The following PRR12 variants were observed in gnomAD, a reference collection of about 807,000 sequenced individuals.
PRR12 encodes proline rich 12.
PRR12 carries 12 observed loss-of-function variants against 138.0 expected under a neutral mutation model. The ratio of observed to expected loss-of-function variants is 0.09; its 90% CI spans 0.06 to 0.14. The LOEUF (loss-of-function observed/expected upper bound fraction) is 0.14. Among genes scored for constraint, PRR12 ranks in the 10% least tolerant of loss-of-function variants. The pLI is 1.00. For missense variants in PRR12, 2,692 were observed against 2,861.3 expected (o/e 0.94, Z 1.35); for synonymous variants, 1,567 against 1,291.7 (o/e 1.21, Z -4.57).
chr19:49,611,143 T>TGAAACCCCATTGCCAC (rs2080863964), intron 6 of PRR12, among the ~76,000 whole-genome samples: 1 of 152,006 alleles, frequency 6.6e-6, no homozygotes, highest in Non-Finnish European at 1.5e-5. Context: ...CGCCTGGCCA[T>TGAAACCCCATTGCCAC]GAAACCCCAT....
rs1193496296 is a variant in PRR12 at position 49,615,909 on chromosome 19, C to T, written c.5187C>T (p.Pro1729=). The change falls in exon 9 of 14, where the codon CCC becomes CCT. Residue 1729 remains proline (P), a synonymous_variant. Coordinates refer to ENST00000418929, the MANE Select transcript of PRR12 (RefSeq NM_020719.3). ...CGGCCATGCCTGAGCCCCCTGCCCC[C>T]GAGAAGCCCTCCCTCCTGCGGCCTG... ...PETAMPEPPA[P]EKPSLLRPVE... is the part of the protein sequence containing the mutation. 12 of 1,563,798 alleles carry T rather than the reference C, an allele frequency of 7.7e-6. No homozygotes were observed. The highest frequency in any genetic ancestry group is 2.4e-5 in the East Asian group (1 of 41,626).
chr19:49,598,390 C>G (rs1438810102), intron 4 of PRR12, among the ~76,000 whole-genome samples: 1 of 152,078 alleles, frequency 6.6e-6, no homozygotes, highest in Non-Finnish European at 1.5e-5. Flanking sequence ...TGTTTTGAGT[C>G]TTAAAGGACA....
In PRR12 at chr19:49,625,478, C is replaced by A; in HGVS notation, c.5982C>A (p.Gly1994=). Residue 1994 remains glycine (G), a synonymous_variant, in exon 14 of 14, where the codon GGC becomes GGA. Coordinates refer to ENST00000418929, the MANE Select transcript of PRR12 (RefSeq NM_020719.3). The surrounding 1 kb of genome is among the most constrained non-coding windows in gnomAD (Gnocchi z 5.5). ...RCRDQTLAIE[G]GAEDLGQEEV... ...CCCTGCAGACCCTGGCCATCGAGGG[C>A]GGCGCCGAGGACCTGGGCCAGGAGG... 6.2e-7 allele frequency: 1 copy of A among 1,606,734 alleles called. No homozygotes were observed.
rs906620618 is a variant in PRR12, at chr19:49,613,283, C to T, written c.4774-1250C>T. On this transcript the variant is annotated intron_variant, in intron 6 of 13. Transcript: ENST00000418929. The stretch of plus-strand genomic sequence containing the variant: ...CCAGGAGGCGCAGGTTGCAGTGAGC[C>T]GAGATTGCGCCCCTGCACTCTAGCC... Among the ~76,000 whole-genome samples, 4 of 145,498 alleles carry T rather than the reference C, an allele frequency of 2.7e-5. No individual in the cohort carries two copies. The South Asian group carries it at 6.6e-4, about 24-fold the overall frequency.
intron 11 of PRR12, among the ~76,000 whole-genome samples, chr19:49,624,508 G>A (rs75273270): frequency 2.1e-3 from 312 of 147,978 alleles, no homozygotes; most frequent in Middle Eastern, 0.017. Flanking sequence ...TGGTTAGGAT[G>A]GGGCTGAGAA....
At position 49,625,066 on chromosome 19, in the gene PRR12, C is replaced by T. The variant is rs1049785405; in HGVS notation, c.5869-39C>T. ...AAGGGAGGAGAGGGGCTGCCAAGTG[C>T]CGGGCTGGAGGGGCTGAGGCATCTC... On this transcript the variant is annotated intron_variant, in intron 12 of 13. Transcript: ENST00000418929. The surrounding 1 kb of genome is among the most constrained non-coding windows in gnomAD (Gnocchi z 5.5). 3 of 1,612,094 alleles carry T rather than the reference C, an allele frequency of 1.9e-6. No individual in the cohort carries two copies. The highest frequency in any genetic ancestry group is 8.5e-7 in the Non-Finnish European group (1 of 1,178,406).
Position 49,591,700 on chromosome 19 carries a change from G to A in PRR12, c.46G>A (p.Ala16Thr). The A allele has an allele frequency of 6.7e-7, 1 of 1,500,260 alleles. No individual in the cohort carries two copies. Among genetic ancestry groups the A allele is most frequent in the Admixed American group, 2.3e-5 (1 of 43,838 alleles). The allele number at this position is 1,500,260 out of a possible 1,614,324, so 92.9% of individuals were successfully genotyped here. The change falls in exon 1 of 14, where the codon GCC becomes ACC. Residue 16 changes from alanine to threonine, a missense_variant. Around this residue, in one of 11 missense-constraint regions of PRR12, gnomAD observed 211 missense variants for 266.3 expected, o/e 0.79. Coordinates refer to ENST00000418929, the MANE Select transcript of PRR12 (RefSeq NM_020719.3). ...CGCCGGCTTCGGGGACCCGCTCGGC[G>A]CCGGGGCGGGATGGAGTTACGAGAG... ...PSAGFGDPLG[A>T]GAGWSYERSA...
chr19:49,595,055 C>A lies in PRR12; in HGVS notation c.720C>A (p.His240Gln), dbSNP rs1207078925. ...GPPDPPPPPR[H>Q]LPTQFNLLAS... is the part of the protein sequence containing the mutation. ...CAGACCCACCACCACCTCCTCGCCACCTCCCAACTCAGTTCAACCTGCTGG... is the reference window on the plus strand; with the variant it reads ...CAGACCCACCACCACCTCCTCGCCAACTCCCAACTCAGTTCAACCTGCTGG... Residue 240 changes from histidine to glutamine, a missense_variant, in exon 4 of 14, where the codon CAC becomes CAA. Around this residue, in one of 11 missense-constraint regions of PRR12, gnomAD observed 523 missense variants for 496.4 expected, o/e 1.05. Coordinates refer to ENST00000418929, the MANE Select transcript of PRR12 (RefSeq NM_020719.3). 1 of 1,611,496 alleles carries A rather than the reference C, an allele frequency of 6.2e-7. No homozygotes were observed. The highest frequency in any genetic ancestry group is 1.7e-5 in the Admixed American group (1 of 59,942).
intron 6 of PRR12, among the ~76,000 whole-genome samples, chr19:49,603,384 C>T (rs192829426): frequency 3.9e-4 from 59 of 152,332 alleles, no homozygotes; most frequent in African/African-American, 1.2e-3. Flanking sequence ...TTTGGCCCTT[C>T]GTGTACAGTG....
rs1432171383 is a variant in PRR12 at position 49,597,472 on chromosome 19, C to T, written c.3137C>T (p.Pro1046Leu). 4.5e-6 allele frequency: 7 copies of T among 1,544,242 alleles called. No homozygotes were observed. Among genetic ancestry groups the T allele is most frequent in the East Asian group, 4.9e-5 (2 of 40,902 alleles). ...QAAPPPPPPP[P>L]PPPAPASEPK... Reference sequence around the variant, plus strand: ...GCGCCACCACCCCCGCCTCCGCCACCGCCGCCTCCCGCGCCGGCCTCCGAA... The same window carrying T: ...GCGCCACCACCCCCGCCTCCGCCACTGCCGCCTCCCGCGCCGGCCTCCGAA... Residue 1046 changes from proline (P) to leucine (L), a missense_variant, in exon 4 of 14, where the codon CCG becomes CTG. By Grantham distance (98) the Pro-to-Leu change is moderately conservative (BLOSUM62 -3). Around this residue, in one of 11 missense-constraint regions of PRR12, gnomAD observed 840 missense variants for 689.8 expected, o/e 1.22. Transcript: ENST00000418929. This position sits in a 1 kb window ranked among gnomAD's most constrained non-coding sequence, Gnocchi z 6.3.
chr19:49,598,255 T>C (rs2080789120), intron 4 of PRR12, among the ~76,000 whole-genome samples: 1 of 151,668 alleles, frequency 6.6e-6, no homozygotes, highest in Non-Finnish European at 1.5e-5. Flanking sequence ...TTTGTATTTT[T>C]AGTAGAGACG....
rs764475568 is a variant in PRR12 at position 49,597,035 on chromosome 19, C to T, written c.2700C>T (p.Gly900=). 1.9e-6 allele frequency: 3 copies of T among 1,557,176 alleles called. No individual in the cohort carries two copies. The South Asian group carries it at 3.6e-5, about 18-fold the overall frequency. ...LPPAPGDTGV[G]PPNSEGKDPA... is the part of the protein sequence containing the mutation. The stretch of plus-strand genomic sequence containing the variant: ...CGGCGCCTGGGGATACTGGCGTAGG[C>T]CCACCAAACTCGGAGGGCAAGGATC... Residue 900 remains glycine (G), a synonymous_variant, in exon 4 of 14, where the codon GGC becomes GGT. Coordinates refer to ENST00000418929, the MANE Select transcript of PRR12 (RefSeq NM_020719.3). This position sits in a 1 kb window ranked among gnomAD's most constrained non-coding sequence, Gnocchi z 6.3.
In PRR12 at chr19:49,598,087, T is replaced by C. The variant is rs1195459401; in HGVS notation, c.3678+74T>C. 3 of 1,256,910 alleles carry C rather than the reference T, an allele frequency of 2.4e-6. No individual in the cohort carries two copies. In the African/African-American group the frequency reaches 4.7e-5, roughly 20 times the overall value. 77.9% of individuals were successfully genotyped at this position (1,256,910 alleles called of 1,614,324 possible). On this transcript the variant is annotated intron_variant, in intron 4 of 13. Coordinates refer to ENST00000418929, the MANE Select transcript of PRR12 (RefSeq NM_020719.3). ...CCGATGTTTGAGTCTTTTTTTTTTT[T>C]TTTTGAGACAGAGTCTCGCTCTGTC...
intron 6 of PRR12, among the ~76,000 whole-genome samples, chr19:49,607,666 G>C (rs8111956): frequency 0.43 from 64,296 of 149,028 alleles, 15,544 homozygotes; most frequent in African/African-American, 0.67. Flanking sequence ...CGAGATCGTA[G>C]CACTGCACTC....
At chr19:49,621,932 C>T (rs1446809377) in intron 11 of PRR12, among the ~76,000 whole-genome samples, 2 of 152,164 alleles carry the variant, frequency 1.3e-5, no homozygotes, top group African/African-American at 4.8e-5. Flanking sequence ...GGCACTGGAC[C>T]GATGGCTTCT....
intron 6 of PRR12, among the ~76,000 whole-genome samples, chr19:49,608,709 G>T (rs1339140568): frequency 1.3e-5 from 2 of 152,024 alleles, no homozygotes; most frequent in Non-Finnish European, 1.5e-5. Context: ...ACATGGTGGT[G>T]CCCACCTGTA....
chr19:49,601,984 C>G, intron 6 of PRR12, 66 bp downstream of exon 6: 1 of 1,535,386 alleles, frequency 6.5e-7, no homozygotes, highest in South Asian at 1.2e-5. Flanking sequence ...TGAGTGCCCG[C>G]TGGATGACAG....
chr19:49,606,397 C>T (rs1369680710), intron 6 of PRR12, among the ~76,000 whole-genome samples: 4 of 151,216 alleles, frequency 2.6e-5, no homozygotes, highest in South Asian at 2.1e-4. Flanking sequence ...CTGCAACCCT[C>T]GCCTCCCACA....
chr19:49,605,043 G>T (rs1353229112), intron 6 of PRR12, among the ~76,000 whole-genome samples: 1 of 151,886 alleles, frequency 6.6e-6, no homozygotes, highest in East Asian at 1.9e-4. Context: ...TAGAGATGGG[G>T]TTTCACCATG....
Sources: gnomAD v4.1 joint callset for allele counts (sites outside exome capture counted in the v4.1 genomes callset) on GRCh38, gnomAD v4.1.1 for gene constraint, gnomAD v4.1.1 regional missense constraint, Gnocchi (gnomAD v3.1) non-coding constraint, MANE v1.5 for transcripts, NCBI Gene and HGNC (gene_info 2026-07-23, HGNC 2026-07-21) for gene names.